The following LRRC4C variants were observed in gnomAD, a reference collection of about 807,000 sequenced individuals.
LRRC4C encodes the protein leucine rich repeat containing 4C.
A neutral mutation model predicts 33.6 loss-of-function variants in LRRC4C; 5 were observed. The observed-to-expected ratio is 0.15, with a 90% confidence interval of 0.08 to 0.31. The LOEUF is 0.31. LRRC4C is among the 10% of genes least tolerant of loss of function. The pLI is 1.00. For missense variants in LRRC4C, 560 were observed against 796.7 expected (o/e 0.70, Z 3.58); for synonymous variants, 329 against 302.0 (o/e 1.09, Z -0.93).
At chr11:40,560,219 T>C (rs899220881) in intron 3 of LRRC4C, among the ~76,000 whole-genome samples, 12 of 152,146 alleles carry the variant, frequency 7.9e-5, no homozygotes, top group African/African-American at 2.9e-4. Flanking sequence ...CTAAATAATA[T>C]TATAGCACAA....
At chr11:41,158,835 C>A (rs1944343903) in intron 1 of LRRC4C, among the ~76,000 whole-genome samples, 1 of 151,994 alleles carries the variant, frequency 6.6e-6, no homozygotes, top group Admixed American at 6.6e-5. Flanking sequence ...ATACACAAGA[C>A]CACAGAATTA....
chr11:40,974,500 A>C (rs2137028202), intron 1 of LRRC4C, among the ~76,000 whole-genome samples: 1 of 152,362 alleles, frequency 6.6e-6, no homozygotes, highest in Admixed American at 6.5e-5. Context: ...AAGCCAAGAT[A>C]CAACCACAAC....
rs558272997 is a variant in LRRC4C at position 40,117,614 on chromosome 11, T to C, written c.-42-1280A>G. ...GTATACACCACACTCAGCTGGCTTA[T>C]TGTGGACTGGGCACCTGTGTAATAA... is the stretch of plus-strand genomic sequence containing the variant. On this transcript the variant is annotated intron_variant, in intron 6 of 6. Coordinates refer to ENST00000528697, the MANE Select transcript of LRRC4C (RefSeq NM_001258419.2). Among the ~76,000 whole-genome samples the C allele has an allele frequency of 2.2e-4, 33 of 152,114 alleles. No homozygotes were observed. The South Asian group carries it at 6.5e-3, about 30-fold the overall frequency.
chr11:40,469,890 T>A (rs1240380759), intron 3 of LRRC4C, among the ~76,000 whole-genome samples: 1 of 152,182 alleles, frequency 6.6e-6, no homozygotes, highest in Non-Finnish European at 1.5e-5. Context: ...AGTCAGGGGC[T>A]TATAGATAAA....
intron 2 of LRRC4C, among the ~76,000 whole-genome samples, chr11:40,714,183 G>A (rs553439974): frequency 1.3e-5 from 2 of 152,270 alleles, no homozygotes; most frequent in African/African-American, 4.8e-5. Context: ...CAAGATGACT[G>A]TACCCTGGCA....
At chr11:40,445,036 C>A (rs776787383) in intron 3 of LRRC4C, among the ~76,000 whole-genome samples, 2 of 152,178 alleles carry the variant, frequency 1.3e-5, no homozygotes, top group Non-Finnish European at 2.9e-5. Context: ...GGTCATCTGA[C>A]CTTCATCCCC....
intron 2 of LRRC4C, among the ~76,000 whole-genome samples, chr11:40,909,706 CCTT>C (rs1334152208): frequency 6.6e-6 from 1 of 152,106 alleles, no homozygotes; most frequent in East Asian, 1.9e-4. Flanking sequence ...TATCTTTTGA[CCTT>C]CTGCCTTTGT....
intron 1 of LRRC4C, among the ~76,000 whole-genome samples, chr11:41,368,393 G>A (rs1195766332): frequency 2.0e-5 from 3 of 152,116 alleles, no homozygotes; most frequent in Non-Finnish European, 4.4e-5. Flanking sequence ...ACACCTGTTC[G>A]GAGAAAAATC....
At chr11:41,085,714 A>G (rs1939922260) in intron 1 of LRRC4C, among the ~76,000 whole-genome samples, 1 of 152,042 alleles carries the variant, frequency 6.6e-6, no homozygotes, top group Admixed American at 6.6e-5. Context: ...ACAGAAATCA[A>G]TGGCATTAGC....
intron 3 of LRRC4C, among the ~76,000 whole-genome samples, chr11:40,572,361 G>A (rs1280491173): frequency 1.3e-5 from 2 of 152,168 alleles, no homozygotes; most frequent in Non-Finnish European, 2.9e-5. Context: ...AGATGTAGCA[G>A]TATATCAGCA....
intron 1 of LRRC4C, among the ~76,000 whole-genome samples, chr11:41,351,996 C>T (rs1460746399): frequency 3.3e-5 from 5 of 152,078 alleles, no homozygotes; most frequent in Non-Finnish European, 7.4e-5. Context: ...CAGCTAACAA[C>T]ACAATGATGT....
chr11:40,967,894 C>A (rs943298661), intron 1 of LRRC4C, among the ~76,000 whole-genome samples: 1 of 150,818 alleles, frequency 6.6e-6, no homozygotes, highest in African/African-American at 2.4e-5. Flanking sequence ...AAAATGAGAC[C>A]AATTAATAAG....
At chr11:40,265,593 C>T (rs1282068621) in intron 4 of LRRC4C, among the ~76,000 whole-genome samples, 1 of 152,098 alleles carries the variant, frequency 6.6e-6, no homozygotes, top group Non-Finnish European at 1.5e-5. Flanking sequence ...CACAGCAGGA[C>T]TTGAATATTT....
intron 1 of LRRC4C, among the ~76,000 whole-genome samples, chr11:41,240,228 A>G (rs1459834569): frequency 6.6e-6 from 1 of 152,198 alleles, no homozygotes; most frequent in Non-Finnish European, 1.5e-5. Context: ...AATTAGCTCC[A>G]GTTGCCTGAA....
At chr11:40,540,076 C>T (rs1956640604) in intron 3 of LRRC4C, among the ~76,000 whole-genome samples, 1 of 152,142 alleles carries the variant, frequency 6.6e-6, no homozygotes, top group African/African-American at 2.4e-5. Flanking sequence ...TACTTTGTGA[C>T]TCTCCCTACT....
intron 3 of LRRC4C, among the ~76,000 whole-genome samples, chr11:40,339,497 G>A: frequency 6.6e-6 from 1 of 152,182 alleles, no homozygotes; most frequent in East Asian, 1.9e-4. Flanking sequence ...ATAAGTCTGG[G>A]AAAGCAGGTA....
intron 5 of LRRC4C, among the ~76,000 whole-genome samples, chr11:40,143,289 T>C (rs1857500134): frequency 1.3e-5 from 2 of 152,168 alleles, no homozygotes; most frequent in South Asian, 2.1e-4. Context: ...GGGATCCTAT[T>C]TGAATTAAAG....
At chr11:40,801,364 G>C (rs1044552191) in intron 2 of LRRC4C, among the ~76,000 whole-genome samples, 6 of 152,030 alleles carry the variant, frequency 3.9e-5, no homozygotes, top group African/African-American at 1.4e-4. Flanking sequence ...CCTTCTATAT[G>C]AAACCTTTTC....
At chr11:41,325,439 T>C (rs1951079188) in intron 1 of LRRC4C, among the ~76,000 whole-genome samples, 1 of 152,182 alleles carries the variant, frequency 6.6e-6, no homozygotes, top group African/African-American at 2.4e-5. Context: ...ATTTGCAGTA[T>C]TTCTTGAACT....
Sources: allele counts gnomAD v4.1 joint callset (sites outside exome capture counted in the v4.1 genomes callset), GRCh38; gene constraint gnomAD v4.1.1; transcripts MANE v1.5; gene names NCBI Gene and HGNC (gene_info 2026-07-23, HGNC 2026-07-21).